Variants in C21orf58 observed in about 807,000 individuals in gnomAD.
C21orf58 encodes chromosome 21 open reading frame 58.
In C21orf58, 34 loss-of-function variants were observed where a neutral mutation model predicts 35.8. The observed-to-expected ratio is 0.95, with a 90% CI of 0.72 to 1.26. C21orf58 has a LOEUF of 1.26. Among genes scored for constraint, C21orf58 ranks in the 50% most tolerant of loss-of-function variants. The pLI is 0.00. For missense variants in C21orf58, 440 were observed against 414.3 expected (o/e 1.06, Z -0.54); for synonymous variants, 191 against 175.8 (o/e 1.09, Z -0.68).
intron 1 of C21orf58, chr21:46,318,887 C>T (rs2083070046): frequency 1.0e-6 from 1 of 982,298 alleles, no homozygotes. Flanking sequence ...GCATTAAACT[C>T]CACGTTGATG....
intron 6 of C21orf58, among the ~76,000 whole-genome samples, chr21:46,308,354 G>A (rs1329968716): frequency 2.6e-5 from 4 of 151,856 alleles, no homozygotes; most frequent in East Asian, 2.0e-4. Context: ...CCAGCTGCTC[G>A]GGAGGCTGAG....
At chr21:46,316,526 G>A (rs921006645) in intron 3 of C21orf58, among the ~76,000 whole-genome samples, 2 of 152,328 alleles carry the variant, frequency 1.3e-5, no homozygotes, top group African/African-American at 2.4e-5. Context: ...AAGGTGGGGG[G>A]CAGGGTTCTG....
chr21:46,302,210 C>T, intron 7 of C21orf58, 56 bp from the exon 8 acceptor site: 2 of 1,435,296 alleles, frequency 1.4e-6, no homozygotes, highest in African/African-American at 2.9e-5. Context: ...CCCACCTCCA[C>T]TCCCGCCCTG....
intron 6 of C21orf58, among the ~76,000 whole-genome samples, chr21:46,309,996 AAAAATAAAATAAAAT>A (rs991229014): frequency 6.6e-6 from 1 of 152,080 alleles, no homozygotes; most frequent in South Asian, 2.1e-4. Context: ...ACTCTGTCTC[AAAAATAAAATAAAAT>A]AAAATAAAAT....
At chr21:46,306,003 G>A (rs1305640731) in intron 6 of C21orf58, among the ~76,000 whole-genome samples, 1 of 151,672 alleles carries the variant, frequency 6.6e-6, no homozygotes, top group African/African-American at 2.4e-5. Context: ...GGGAGGCTGA[G>A]GTGGGAGGAT....
rs2083258799 is a variant in C21orf58 at position 46,323,813 on chromosome 21, T to A, written c.-1075A>T. The A allele has an allele frequency of 3.0e-6, 1 of 333,578 alleles. No homozygotes were observed. The highest frequency in any genetic ancestry group is 5.8e-6 in the Non-Finnish European group (1 of 173,352). 20.7% of individuals were successfully genotyped at this position (333,578 alleles called of 1,614,324 possible). A position where few individuals can be genotyped will look rare whatever the true frequency, so the allele number is the denominator to read the frequency against. On this transcript the variant is annotated 5_prime_UTR_variant, in exon 1 of 8. Transcript: ENST00000291691. The stretch of plus-strand genomic sequence containing the variant: ...CGCCTGCAGGGAGCCCGGCCCGCTG[T>A]CCTGGTGGACACAAAGCCCAGGGGC...
chr21:46,321,112 A>C (rs1267870556), intron 1 of C21orf58, among the ~76,000 whole-genome samples: 1 of 152,030 alleles, frequency 6.6e-6, no homozygotes, highest in Admixed American at 6.6e-5. Context: ...CCCACATACC[A>C]CATGTGTGGC....
chr21:46,310,079 G>A (rs1403793682), intron 6 of C21orf58, among the ~76,000 whole-genome samples: 1 of 152,124 alleles, frequency 6.6e-6, no homozygotes, highest in Non-Finnish European at 1.5e-5. Context: ...AGTTGCATGG[G>A]GGTGTAGGAG....
chr21:46,305,792 A>G (rs1429478068), intron 6 of C21orf58, among the ~76,000 whole-genome samples: 1 of 151,964 alleles, frequency 6.6e-6, no homozygotes, highest in Non-Finnish European at 1.5e-5. Context: ...ACAAAAAAAA[A>G]TTAGCCGGGC....
chr21:46,303,709 ATAT>A (rs2082239726), intron 6 of C21orf58, among the ~76,000 whole-genome samples: 1 of 33,684 alleles, frequency 3.0e-5, no homozygotes, highest in Non-Finnish European at 5.2e-5. Context: ...CACACACAAA[ATAT>A]ATATATATAT....
intron 6 of C21orf58, 109 bp downstream of exon 6, chr21:46,311,347 G>T: frequency 2.1e-6 from 1 of 484,752 alleles, no homozygotes; most frequent in East Asian, 3.2e-5. Flanking sequence ...TTATTTTCAT[G>T]TTGAACAGCC....
At chr21:46,304,801 G>A (rs556869551) in intron 6 of C21orf58, among the ~76,000 whole-genome samples, 4 of 152,178 alleles carry the variant, frequency 2.6e-5, no homozygotes, top group Non-Finnish European at 4.4e-5. Flanking sequence ...AATCTTGAGC[G>A]GGGACGGAAG....
At position 46,318,005 on chromosome 21, in the gene C21orf58, G is replaced by C. The variant is rs138025967; in HGVS notation, c.309+7C>G. The C allele has an allele frequency of 1.1e-4, 175 of 1,613,058 alleles. No individual in the cohort carries two copies. In the African/African-American group the frequency reaches 2.2e-3, roughly 20 times the overall value. On this transcript the variant is annotated splice_region_variant and intron_variant, in intron 2 of 7. Coordinates refer to ENST00000291691, the MANE Select transcript of C21orf58 (RefSeq NM_058180.5). ...TAAAAACAGGAGCATCCCGGGCTCT[G>C]CCTCACCTGTCCCAAGAGCTTCAGC... is the stretch of plus-strand genomic sequence containing the variant.
intron 3 of C21orf58, among the ~76,000 whole-genome samples, chr21:46,316,245 C>T (rs977443189): frequency 6.6e-6 from 1 of 151,904 alleles, no homozygotes; most frequent in Non-Finnish European, 1.5e-5. Flanking sequence ...TACTTCAGGC[C>T]GGGAGTTTGA....
intron 5 of C21orf58, among the ~76,000 whole-genome samples, chr21:46,311,962 CCCACCCACCCACCCATCCAT>C (rs2082734557): frequency 3.6e-5 from 2 of 55,812 alleles, no homozygotes; most frequent in Non-Finnish European, 7.1e-5. Context: ...CATCCATCCA[CCCACCCACCCACCCATCCAT>C]CCACCCATCC....
Position 46,322,671 on chromosome 21 carries a change from G to A in C21orf58, c.68C>T (p.Pro23Leu). 6.3e-7 allele frequency: 1 copy of A among 1,592,620 alleles called. No homozygotes were observed. The highest frequency in any genetic ancestry group is 8.6e-7 in the Non-Finnish European group (1 of 1,169,212). ...KPWKLDRQKLPSPDSGHSLLC... is the reference protein window; with the variant it reads ...KPWKLDRQKLLSPDSGHSLLC... ...AAGACTGTGGCCTGAGTCAGGAGAA[G>A]GAAGTTTCTGGCGGTCGAGCTTCCA... Residue 23 changes from proline (P) to leucine (L), a missense_variant, in exon 1 of 8, where the codon CCT becomes CTT. Pro to Leu is a moderately conservative substitution (Grantham distance 98). Transcript: ENST00000291691.
chr21:46,302,965 C>T (rs1305529437), intron 6 of C21orf58, among the ~76,000 whole-genome samples: 1 of 151,062 alleles, frequency 6.6e-6, no homozygotes, highest in Non-Finnish European at 1.5e-5. Flanking sequence ...CGTCTGTACA[C>T]GGTGCGGGTC....
chr21:46,317,919 G>A, intron 2 of C21orf58, 93 bp downstream of exon 2: 2 of 1,403,776 alleles, frequency 1.4e-6, no homozygotes, highest in South Asian at 1.3e-5. Flanking sequence ...TTGGGGCCCT[G>A]CATTCTGCAC....
At position 46,315,111 on chromosome 21, in the gene C21orf58, C is replaced by G. The variant is rs918832106; in HGVS notation, c.445-231G>C. ...TGTTTTCTTTTTCCAGCCCCAGGGT[C>G]TGTTCTCTCTTTCAAGCCAGTTCCA... On this transcript the variant is annotated intron_variant, in intron 4 of 7. Coordinates refer to ENST00000291691, the MANE Select transcript of C21orf58 (RefSeq NM_058180.5). The G allele has an allele frequency of 3.2e-6, 4 of 1,253,216 alleles. No homozygotes were observed. The South Asian group carries it at 4.7e-5, about 15-fold the overall frequency. 77.6% of individuals were successfully genotyped at this position (1,253,216 alleles called of 1,614,324 possible).
Sources: gnomAD v4.1 joint callset for allele counts (sites outside exome capture counted in the v4.1 genomes callset) on GRCh38, gnomAD v4.1.1 for gene constraint, MANE v1.5 for transcripts, NCBI Gene and HGNC (gene_info 2026-07-23, HGNC 2026-07-21) for gene names.